The following BMPR2 variants were observed in gnomAD, a reference collection of about 807,000 sequenced individuals.
The protein encoded by BMPR2 is bone morphogenetic protein receptor type-2.
Under a neutral mutation model 100.8 loss-of-function variants are expected in BMPR2, and 29 were observed. The observed-to-expected ratio is 0.29, with a 90% CI of 0.21 to 0.39. BMPR2 has a LOEUF of 0.39. BMPR2 is among the 10% of genes least tolerant of loss of function. BMPR2 has a pLI of 1.00. For synonymous variants in BMPR2, 382 were observed against 442.3 expected (o/e 0.86, Z 1.71); for missense variants, 1,011 against 1,274.5 (o/e 0.79, Z 3.15).
intron 1 of BMPR2, among the ~76,000 whole-genome samples, chr2:202,431,935 A>C (rs1691512480): frequency 1.3e-5 from 2 of 150,512 alleles, no homozygotes; most frequent in African/African-American, 5.0e-5. Context: ...CTTTTTCTTC[A>C]TCTTTAAAGT....
At chr2:202,414,100 GTCAC>G (rs1293319025) in intron 1 of BMPR2, among the ~76,000 whole-genome samples, 1 of 152,218 alleles carries the variant, frequency 6.6e-6, no homozygotes, top group East Asian at 1.9e-4. Context: ...CATCAAGCAA[GTCAC>G]TCAACACCAT....
At chr2:202,557,395 G>A (rs1004771280) in intron 12 of BMPR2, among the ~76,000 whole-genome samples, 9 of 151,774 alleles carry the variant, frequency 5.9e-5, no homozygotes, top group Middle Eastern at 3.4e-3. Flanking sequence ...CCCAGGAGGC[G>A]GAGGTTGCAA....
intron 3 of BMPR2, among the ~76,000 whole-genome samples, chr2:202,506,172 T>A (rs1411113897): frequency 1.3e-5 from 2 of 152,080 alleles, no homozygotes; most frequent in Admixed American, 6.5e-5. Flanking sequence ...TAATTAATTT[T>A]TTTTTTGAGA....
intron 3 of BMPR2, among the ~76,000 whole-genome samples, chr2:202,482,578 G>A (rs1010794077): frequency 1.0e-4 from 15 of 148,230 alleles, no homozygotes; most frequent in African/African-American, 2.2e-4. Flanking sequence ...TCACTGTGTC[G>A]CCCAGGCTGG....
chr2:202,520,320 C>A, intron 7 of BMPR2, 119 bp downstream of exon 7: 1 of 774,832 alleles, frequency 1.3e-6, no homozygotes, highest in South Asian at 1.6e-5. Flanking sequence ...TATTATTAGT[C>A]AGTTGTTTGA....
chr2:202,411,122 GTATT>G (rs1691006350), intron 1 of BMPR2, among the ~76,000 whole-genome samples: 1 of 152,094 alleles, frequency 6.6e-6, no homozygotes, highest in Non-Finnish European at 1.5e-5. Flanking sequence ...AAGAAACACG[GTATT>G]TAAATAGGCT....
intron 10 of BMPR2, among the ~76,000 whole-genome samples, chr2:202,548,933 TTGATA>T (rs1265938250): frequency 6.6e-6 from 1 of 152,198 alleles, no homozygotes; most frequent in Non-Finnish European, 1.5e-5. Flanking sequence ...TAGGTGTGTT[TTGATA>T]TATGTATACA....
intron 7 of BMPR2, among the ~76,000 whole-genome samples, chr2:202,524,037 TGGGGAGAG>T (rs374168021): frequency 2.0e-3 from 301 of 150,868 alleles, no homozygotes; most frequent in African/African-American, 7.0e-3. Context: ...ACTACTAGAG[TGGGGAGAG>T]AGGGAGAGGG....
intron 10 of BMPR2, among the ~76,000 whole-genome samples, chr2:202,547,075 A>G (rs1688389315): frequency 6.6e-6 from 1 of 151,984 alleles, no homozygotes; most frequent in Non-Finnish European, 1.5e-5. Context: ...GCCCCCACAC[A>G]CAGTTTAAGG....
chr2:202,492,502 C>T (rs1017282288), intron 3 of BMPR2, among the ~76,000 whole-genome samples: 1 of 151,794 alleles, frequency 6.6e-6, no homozygotes, highest in Non-Finnish European at 1.5e-5. Context: ...GAGTTCGAGA[C>T]CAGCCTGGCC....
chr2:202,494,630 T>C (rs939249008), intron 3 of BMPR2, among the ~76,000 whole-genome samples: 2 of 152,136 alleles, frequency 1.3e-5, no homozygotes, highest in African/African-American at 4.8e-5. Context: ...TGAGAAAACT[T>C]AATAGGGAAG....
At chr2:202,496,770 G>A (rs1014363488) in intron 3 of BMPR2, among the ~76,000 whole-genome samples, 7 of 152,364 alleles carry the variant, frequency 4.6e-5, no homozygotes, top group African/African-American at 1.4e-4. Context: ...GCCCTCGCTC[G>A]CTCTCAGCGC....
intron 1 of BMPR2, among the ~76,000 whole-genome samples, chr2:202,446,127 G>A (rs537737575): frequency 4.0e-5 from 6 of 150,668 alleles, no homozygotes; most frequent in East Asian, 1.9e-4. Context: ...CAGGCTGGGC[G>A]TGGTGGCTCA....
intron 7 of BMPR2, among the ~76,000 whole-genome samples, chr2:202,529,204 A>AT (rs1306278087): frequency 6.6e-6 from 1 of 152,214 alleles, no homozygotes; most frequent in African/African-American, 2.4e-5. Context: ...TGGTGATAAT[A>AT]TGTATAAATA....
At chr2:202,515,039 TG>T in intron 5 of BMPR2, 60 bp downstream of exon 5, 1 of 1,445,082 alleles carries the variant, frequency 6.9e-7, no homozygotes. Context: ...CCTGGAACAG[TG>T]ACTTCATTCA....
intron 1 of BMPR2, among the ~76,000 whole-genome samples, chr2:202,449,937 C>T (rs551900465): frequency 6.6e-5 from 10 of 152,010 alleles, no homozygotes; most frequent in African/African-American, 9.7e-5. Context: ...GAATCCCCAT[C>T]TCTACTAAAA....
At chr2:202,429,210 T>G (rs75697473) in intron 1 of BMPR2, among the ~76,000 whole-genome samples, 12,093 of 152,286 alleles carry the variant, frequency 0.079, 682 homozygotes, top group Non-Finnish European at 0.12. Context: ...AGAGTACTTT[T>G]CTAAAATACA....
intron 1 of BMPR2, among the ~76,000 whole-genome samples, chr2:202,441,901 C>T (rs1281648092): frequency 1.3e-5 from 2 of 149,016 alleles, no homozygotes; most frequent in Admixed American, 6.6e-5. Flanking sequence ...GGCATGGTGG[C>T]AGGTGCCAGT....
chr2:202,427,708 T>C (rs945633974), intron 1 of BMPR2, among the ~76,000 whole-genome samples: 1 of 152,212 alleles, frequency 6.6e-6, no homozygotes, highest in South Asian at 2.1e-4. Flanking sequence ...TTGGACATTG[T>C]GGCTCACGCC....
Sources: allele counts gnomAD v4.1 joint callset (sites outside exome capture counted in the v4.1 genomes callset), GRCh38; gene constraint gnomAD v4.1.1; transcripts MANE v1.5; gene names NCBI Gene and HGNC (gene_info 2026-07-23, HGNC 2026-07-21).